GRIN2A: variants seen among roughly 807,000 people sequenced by gnomAD.
The protein encoded by GRIN2A is glutamate ionotropic receptor NMDA type subunit 2A.
A neutral mutation model predicts 113.4 loss-of-function variants in GRIN2A; 22 were observed. That is an observed-to-expected ratio of 0.19 (90% CI 0.14 to 0.28). The LOEUF is 0.28. Ranked by LOEUF, GRIN2A falls within the 10% of genes least tolerant of loss-of-function variation. The pLI is 1.00. For synonymous variants in GRIN2A, 827 were observed against 738.4 expected (o/e 1.12, Z -1.94); for missense variants, 1,502 against 1,887.0 (o/e 0.80, Z 3.78).
chr16:10,179,893 C>CCCCAAACAAAAA, intron 2 of GRIN2A, 105 bp downstream of exon 2: 2 of 719,814 alleles, frequency 2.8e-6, no homozygotes, highest in Non-Finnish European at 4.8e-6. Context: ...CCCCCACCCC[C>CCCCAAACAAAAA]ACTTCACATC....
intron 2 of GRIN2A, among the ~76,000 whole-genome samples, chr16:9,999,262 C>T (rs1156929381): frequency 6.6e-6 from 1 of 152,170 alleles, no homozygotes; most frequent in African/African-American, 2.4e-5. Flanking sequence ...AACTGCTTAA[C>T]TCAAGAAGTG....
At chr16:9,920,214 A>C (rs1472892248) in intron 3 of GRIN2A, among the ~76,000 whole-genome samples, 1 of 152,228 alleles carries the variant, frequency 6.6e-6, no homozygotes, top group African/African-American at 2.4e-5. Flanking sequence ...TGGATACATG[A>C]AAAGACAAAT....
chr16:10,039,555 C>T (rs1244123679), intron 2 of GRIN2A, among the ~76,000 whole-genome samples: 1 of 151,980 alleles, frequency 6.6e-6, no homozygotes, highest in African/African-American at 2.4e-5. Context: ...CCAAGGCTGC[C>T]ACCTACAGAA....
chr16:9,891,058 G>T lies in GRIN2A; in HGVS notation c.1050C>A (p.Phe350Leu). 2 of 1,613,178 alleles carry T rather than the reference G, an allele frequency of 1.2e-6. No individual in the cohort carries two copies. Among genetic ancestry groups the T allele is most frequent in the Non-Finnish European group, 1.7e-6 (2 of 1,179,140 alleles). The change falls in exon 4 of 13, where the codon TTC (phenylalanine) becomes TTA (leucine). Residue 350 changes from phenylalanine (F) to leucine (L), a missense_variant. This residue lies in a region of GRIN2A where 334 missense variants were observed against 403.0 expected (regional missense o/e 0.83). Coordinates refer to ENST00000330684, the MANE Select transcript of GRIN2A (RefSeq NM_001134407.3). The stretch of plus-strand genomic sequence containing the variant: ...GGTGCACCTGGTAGCCTTCCTCAGT[G>T]AAGGATAAGTCTTTGCCATCCCATG... ...NVTWDGKDLS[F>L]TEEGYQVHPR...
chr16:9,773,557 C>T (rs1901412422), intron 11 of GRIN2A, among the ~76,000 whole-genome samples: 2 of 152,212 alleles, frequency 1.3e-5, no homozygotes, highest in South Asian at 4.1e-4. Flanking sequence ...CTCTTGGGAA[C>T]AGATGGAGCC....
chr16:9,947,829 G>A (rs2045056694), intron 2 of GRIN2A, among the ~76,000 whole-genome samples: 1 of 151,796 alleles, frequency 6.6e-6, no homozygotes, highest in Non-Finnish European at 1.5e-5. Flanking sequence ...ACCTTAAAGA[G>A]GTTGTTGTGA....
At chr16:9,936,120 T>C (rs567146025) in intron 3 of GRIN2A, among the ~76,000 whole-genome samples, 1 of 152,322 alleles carries the variant, frequency 6.6e-6, no homozygotes, top group Admixed American at 6.5e-5. Flanking sequence ...TCAATGAATA[T>C]GACAATCTCT....
intron 10 of GRIN2A, among the ~76,000 whole-genome samples, chr16:9,815,513 A>G (rs2042171697): frequency 6.6e-6 from 1 of 152,152 alleles, no homozygotes; most frequent in South Asian, 2.1e-4. Context: ...TTGCCCAATA[A>G]GCAGGTAAAA....
intron 2 of GRIN2A, among the ~76,000 whole-genome samples, chr16:10,022,471 C>T (rs1447628569): frequency 6.6e-6 from 1 of 152,190 alleles, no homozygotes; most frequent in East Asian, 1.9e-4. Context: ...GGAGGTTTAG[C>T]CTCGCTTTAA....
rs536515089 is a variant in GRIN2A at position 10,156,602 on chromosome 16, T to C, written c.414+23396A>G. Among the ~76,000 whole-genome samples the C allele has an allele frequency of 2.6e-5, 4 of 152,280 alleles. No homozygotes were observed. In the East Asian group the frequency reaches 7.7e-4, roughly 29 times the overall value. ...AATTCACAGTCATGTGGGGAGGCCA[T>C]TCTGTCTGTCTTCTGGCATAAAAAA... is the stretch of plus-strand genomic sequence containing the variant. On this transcript the variant is annotated intron_variant, in intron 2 of 12. Coordinates refer to ENST00000330684, the MANE Select transcript of GRIN2A (RefSeq NM_001134407.3).
Position 9,976,230 on chromosome 16 carries a change from G to T in GRIN2A, c.415-37679C>A, listed in dbSNP as rs2045771218. ...AAAGCAAACCATATCATTAAATCCT[G>T]GCCAGACACCATGGCATGACTACTA... is the stretch of plus-strand genomic sequence containing the variant. On this transcript the variant is annotated intron_variant, in intron 2 of 12. Transcript: ENST00000330684. 2.0e-5 allele frequency among the ~76,000 whole-genome samples: 3 copies of T among 152,130 alleles called. No individual in the cohort carries two copies. The South Asian group carries it at 6.2e-4, about 32-fold the overall frequency.
intron 2 of GRIN2A, among the ~76,000 whole-genome samples, chr16:10,061,972 G>A (rs929878913): frequency 8.5e-5 from 13 of 152,270 alleles, no homozygotes; most frequent in South Asian, 8.3e-4. Context: ...TGAAATCAGA[G>A]AAGTACTAAA....
chr16:10,092,697 G>C (rs907805662), intron 2 of GRIN2A, among the ~76,000 whole-genome samples: 1 of 152,002 alleles, frequency 6.6e-6, no homozygotes, highest in Non-Finnish European at 1.5e-5. Context: ...AGCACAGATG[G>C]GTTAAGTGAC....
intron 2 of GRIN2A, among the ~76,000 whole-genome samples, chr16:10,008,881 G>C (rs1384561348): frequency 6.6e-6 from 1 of 152,216 alleles, no homozygotes; most frequent in African/African-American, 2.4e-5. Context: ...ACAGAGCACA[G>C]AGTTGGCTAC....
At chr16:9,803,911 T>C (rs1281807910) in intron 10 of GRIN2A, among the ~76,000 whole-genome samples, 8 of 152,182 alleles carry the variant, frequency 5.3e-5, no homozygotes, top group Admixed American at 5.2e-4. Context: ...GGGTTTTAGC[T>C]ATAAATAAGC....
At chr16:9,832,550 G>T (rs1457132125) in intron 8 of GRIN2A, among the ~76,000 whole-genome samples, 1 of 152,136 alleles carries the variant, frequency 6.6e-6, no homozygotes, top group African/African-American at 2.4e-5. Context: ...CTGCCTGATA[G>T]AAAATCTCTA....
At chr16:9,937,824 A>G in intron 3 of GRIN2A, 135 bp downstream of exon 3, 1 of 695,072 alleles carries the variant, frequency 1.4e-6, no homozygotes, top group South Asian at 1.6e-5. Flanking sequence ...GGAGAGCAAA[A>G]TAAAAGTCCC....
intron 3 of GRIN2A, among the ~76,000 whole-genome samples, chr16:9,895,263 G>C (rs1252454950): frequency 6.6e-6 from 1 of 152,206 alleles, no homozygotes; most frequent in Non-Finnish European, 1.5e-5. Flanking sequence ...AAGGGATTTG[G>C]GTTGTGCTGA....
At chr16:9,885,745 A>G (rs1316219114) in intron 4 of GRIN2A, among the ~76,000 whole-genome samples, 2 of 152,208 alleles carry the variant, frequency 1.3e-5, no homozygotes, top group African/African-American at 4.8e-5. Context: ...TTTAAGGGTA[A>G]CACGACTGGT....
Sources: gnomAD v4.1 joint callset for allele counts (sites outside exome capture counted in the v4.1 genomes callset) on GRCh38, gnomAD v4.1.1 for gene constraint, gnomAD v4.1.1 regional missense constraint, MANE v1.5 for transcripts, NCBI Gene and HGNC (gene_info 2026-07-23, HGNC 2026-07-21) for gene names.